Variants in SBNO2 observed in about 807,000 individuals in gnomAD.
The protein encoded by SBNO2 is protein strawberry notch homolog 2.
A neutral mutation model predicts 146.3 loss-of-function variants in SBNO2; 89 were observed. That is an observed-to-expected ratio of 0.61 (90% CI 0.51 to 0.73). SBNO2 has a LOEUF of 0.73. Ranked by LOEUF, SBNO2 falls within the 30% of genes least tolerant of loss-of-function variation. The pLI is 0.00. For missense variants in SBNO2, 2,092 were observed against 2,003.7 expected (o/e 1.04, Z -0.84); for synonymous variants, 1,147 against 892.6 (o/e 1.29, Z -5.08).
chr19:1,112,780 G>C lies in SBNO2; in HGVS notation c.2379+38C>G, dbSNP rs1568557266. Reference sequence around the variant, plus strand: ...CCTTGGGCCCCTCTGTGCCTCTTGGGTCCCGTGGGCCGCGCCCAGTGCACT... The same window carrying C: ...CCTTGGGCCCCTCTGTGCCTCTTGGCTCCCGTGGGCCGCGCCCAGTGCACT... On this transcript the variant is annotated intron_variant, in intron 20 of 31. Coordinates refer to ENST00000361757, the MANE Select transcript of SBNO2 (RefSeq NM_014963.3). The surrounding 1 kb of genome is among the most constrained non-coding windows in gnomAD (Gnocchi z 5.9). 1.1e-5 allele frequency: 17 copies of C among 1,532,148 alleles called. No individual in the cohort carries two copies. Among genetic ancestry groups the C allele is most frequent in the Non-Finnish European group, 1.4e-5 (16 of 1,138,002 alleles). 94.9% of individuals were successfully genotyped at this position (1,532,148 alleles called of 1,614,324 possible).
chr19:1,120,508 A>T (rs2079888722), intron 11 of SBNO2, among the ~76,000 whole-genome samples: 1 of 152,146 alleles, frequency 6.6e-6, no homozygotes, highest in Admixed American at 6.6e-5. Flanking sequence ...CTGGGACTAC[A>T]GGTGTGTGCC....
chr19:1,151,416 C>T (rs2080241436), intron 2 of SBNO2, among the ~76,000 whole-genome samples: 1 of 152,192 alleles, frequency 6.6e-6, no homozygotes, highest in African/African-American at 2.4e-5. Flanking sequence ...GTCCTGACTG[C>T]CTCTATCCCC....
At position 1,114,389 on chromosome 19, in the gene SBNO2, C is replaced by T. The variant is rs962116813; in HGVS notation, c.1919G>A (p.Arg640Gln). 14 of 1,550,012 alleles carry T rather than the reference C, an allele frequency of 9.0e-6. No individual in the cohort carries two copies. The highest frequency in any genetic ancestry group is 2.4e-5 in the East Asian group (1 of 41,200). The change falls in exon 18 of 32, where the codon CGG (arginine) becomes CAG (glutamine). Residue 640 changes from arginine (R) to glutamine (Q), a missense_variant. Physicochemically the swap from Arg to Gln is conservative, Grantham distance 43. Transcript: ENST00000361757. ...RPRGRGAKAPRLACETAGVIR... is the reference protein window; with the variant it reads ...RPRGRGAKAPQLACETAGVIR... ...GACGCCCGCTGTCTCGCACGCCAGC[C>T]GGGGGGCTTTGGCCCCGCGTCCCCG...
chr19:1,143,055 C>T (rs2080155605), intron 4 of SBNO2, among the ~76,000 whole-genome samples: 1 of 152,186 alleles, frequency 6.6e-6, no homozygotes. Flanking sequence ...GTTCTCCCTA[C>T]CAATCCCTCC....
rs558272513 is a variant in SBNO2, at chr19:1,154,345, G to A, written c.-69C>T. The A allele has an allele frequency of 2.1e-4, 184 of 874,980 alleles. No homozygotes were observed. The Middle Eastern group carries it at 2.2e-3, about 10-fold the overall frequency. 54.2% of individuals were successfully genotyped at this position (874,980 alleles called of 1,614,324 possible). On this transcript the variant is annotated 5_prime_UTR_variant, in exon 2 of 32. Coordinates refer to ENST00000361757, the MANE Select transcript of SBNO2 (RefSeq NM_014963.3). ...CGGGACTCCAGGACCCGGGGCCGCC[G>A]GGGCGTCTATCTGGGCTTCTCGCTC...
At position 1,111,054 on chromosome 19, in the gene SBNO2, C is replaced by A. The variant is rs756126247; in HGVS notation, c.2849G>T (p.Arg950Leu). The change falls in exon 25 of 32, where the codon CGG (arginine) becomes CTG (leucine). Residue 950 changes from arginine (R) to leucine (L), a missense_variant. Physicochemically the swap from Arg to Leu is moderately radical, Grantham distance 102 (BLOSUM62 -2). Transcript: ENST00000361757. Reference sequence around the variant, plus strand: ...GTCCAGGCAGCCATTCCGGGACTCCCGGCCACCAATGCCCACAGACAGCAG... The same window carrying A: ...GTCCAGGCAGCCATTCCGGGACTCCAGGCCACCAATGCCCACAGACAGCAG... Reference protein sequence around the residue: ...QGLLSVGIGGRESRNGCLDVE... With the variant: ...QGLLSVGIGGLESRNGCLDVE... 6.4e-7 allele frequency: 1 copy of A among 1,566,788 alleles called. No individual in the cohort carries two copies. Among genetic ancestry groups the A allele is most frequent in the Non-Finnish European group, 8.6e-7 (1 of 1,156,884 alleles).
In SBNO2 at chr19:1,113,704, C is replaced by T. The variant is rs1599827067; in HGVS notation, c.2078G>A (p.Gly693Glu). 1 of 1,542,364 alleles carries T rather than the reference C, an allele frequency of 6.5e-7. No individual in the cohort carries two copies. Among genetic ancestry groups the T allele is most frequent in the Non-Finnish European group, 8.7e-7 (1 of 1,146,330 alleles). ...GTCTCTCTGCAGGAGGCACAGGGGT[C>T]CTAGGGAGGAGGTGGAGGGTCAGGG... ...DAVGLPSDDR[G>E]PLCLLQRDPH... is the part of the protein sequence containing the mutation. The change falls in exon 19 of 32, where the codon GGA becomes GAA. Residue 693 changes from glycine (G) to glutamate (E), a missense_variant and splice_region_variant. Coordinates refer to ENST00000361757, the MANE Select transcript of SBNO2 (RefSeq NM_014963.3).
rs770087414 is a variant in SBNO2 at position 1,109,316 on chromosome 19, G to A, written c.3324C>T (p.Asp1108=). Residue 1108 remains aspartate, a synonymous_variant, in exon 29 of 32, where the codon GAC becomes GAT. Transcript: ENST00000361757. This position sits in a 1 kb window ranked among gnomAD's most constrained non-coding sequence, Gnocchi z 4.2. ...IGRQSQLEAL[D]SLRRKFHRVT... is the part of the protein sequence containing the mutation. Reference sequence around the variant, plus strand: ...CCCGGTGGAACTTGCGGCGGAGGCTGTCCAGGGCCTCCAGCTGGCTCTGCC... The same window carrying A: ...CCCGGTGGAACTTGCGGCGGAGGCTATCCAGGGCCTCCAGCTGGCTCTGCC... 5.5e-5 allele frequency: 88 copies of A among 1,597,402 alleles called. 1 individual carries two copies. In the Middle Eastern group the frequency reaches 2.2e-3, roughly 39 times the overall value.
Position 1,109,414 on chromosome 19 carries a change from T to C in SBNO2, c.3226A>G (p.Asn1076Asp), listed in dbSNP as rs774739831. The change falls in exon 29 of 32, where the codon AAC becomes GAC. Residue 1076 changes from asparagine to aspartate, a missense_variant. Asn to Asp is a conservative substitution (Grantham distance 23, BLOSUM62 1). Coordinates refer to ENST00000361757, the MANE Select transcript of SBNO2 (RefSeq NM_014963.3). The surrounding 1 kb of genome is among the most constrained non-coding windows in gnomAD (Gnocchi z 4.2). ...TCCGCCAGCAGGCAGCTGGGCTTGT[T>C]ACCGCGGACCTGCGGAGGGGGGCGT... The part of the protein sequence containing the change: ...GFYLSYKVRG[N>D]KPSCLLAEQN... 23 of 1,565,720 alleles carry C rather than the reference T, an allele frequency of 1.5e-5. No homozygotes were observed. Among genetic ancestry groups the C allele is most frequent in the South Asian group, 1.2e-5 (1 of 85,774 alleles).
Position 1,112,367 on chromosome 19 carries a change from G to A in SBNO2, c.2515+35C>T, listed in dbSNP as rs753421622. ...CGGGGCCGAGACCATGTTGGGGGCGGGGCCAGGCAGCGCTGGGGGCGGGGC... is the reference window on the plus strand; with the variant it reads ...CGGGGCCGAGACCATGTTGGGGGCGAGGCCAGGCAGCGCTGGGGGCGGGGC... On this transcript the variant is annotated intron_variant, in intron 21 of 31. Transcript: ENST00000361757. This position sits in a 1 kb window ranked among gnomAD's most constrained non-coding sequence, Gnocchi z 5.9. The A allele has an allele frequency of 2.5e-6, 4 of 1,575,608 alleles. No individual in the cohort carries two copies.
chr19:1,172,812 C>G (rs1470356779), intron 1 of SBNO2, among the ~76,000 whole-genome samples: 1 of 139,400 alleles, frequency 7.2e-6, no homozygotes, highest in African/African-American at 2.7e-5. Context: ...CAGCCAGCAT[C>G]AGCACAGGCC....
intron 3 of SBNO2, among the ~76,000 whole-genome samples, chr19:1,147,674 C>CG (rs2080206422): frequency 6.6e-6 from 1 of 151,882 alleles, no homozygotes; most frequent in Non-Finnish European, 1.5e-5. Flanking sequence ...GCCTGGTGGG[C>CG]GGGGGGACAT....
At chr19:1,117,528 G>A (rs779451139) in intron 14 of SBNO2, 29 bp from the exon 15 acceptor site, 90 of 1,540,866 alleles carry the variant, frequency 5.8e-5, no homozygotes, top group Admixed American at 3.2e-4. Flanking sequence ...AGGCGCCCCT[G>A]AGCTGTGGCT....
In SBNO2 at chr19:1,140,607, G is replaced by T. The variant is rs1170274144; in HGVS notation, c.279+6702C>A. ...GCGCAGCGTGAGCCCCAGGGGTGGGGGTGGGGGTGGCCAGGGAGCAGGCAG... is the reference window on the plus strand; with the variant it reads ...GCGCAGCGTGAGCCCCAGGGGTGGGTGTGGGGGTGGCCAGGGAGCAGGCAG... On this transcript the variant is annotated intron_variant, in intron 4 of 31. Coordinates refer to ENST00000361757, the MANE Select transcript of SBNO2 (RefSeq NM_014963.3). This position sits in a 1 kb window ranked among gnomAD's most constrained non-coding sequence, Gnocchi z 4.4. Among the ~76,000 whole-genome samples the T allele has an allele frequency of 2.6e-5, 4 of 152,178 alleles. No homozygotes were observed. The highest frequency in any genetic ancestry group is 1.5e-5 in the Non-Finnish European group (1 of 68,022).
intron 2 of SBNO2, among the ~76,000 whole-genome samples, chr19:1,153,072 T>C (rs2080257124): frequency 6.6e-6 from 1 of 151,302 alleles, no homozygotes; most frequent in African/African-American, 2.4e-5. Flanking sequence ...GGAGAATCAC[T>C]AGCCCAGGAG....
At chr19:1,154,640 A>G (rs2080272697) in intron 1 of SBNO2, among the ~76,000 whole-genome samples, 1 of 152,052 alleles carries the variant, frequency 6.6e-6, no homozygotes, top group Admixed American at 6.5e-5. Context: ...GGCCCCAACT[A>G]CAACGATTAA....
chr19:1,151,986 T>A (rs1451396414), intron 2 of SBNO2, among the ~76,000 whole-genome samples: 1 of 152,048 alleles, frequency 6.6e-6, no homozygotes, highest in Non-Finnish European at 1.5e-5. Context: ...TCTAATTGAA[T>A]ACTCTGGGCA....
chr19:1,119,106 C>T lies in SBNO2; in HGVS notation c.1432G>A (p.Ala478Thr), dbSNP rs1178886291. The T allele has an allele frequency of 1.2e-5, 20 of 1,604,472 alleles. No homozygotes were observed. Among genetic ancestry groups the T allele is most frequent in the Non-Finnish European group, 1.6e-5 (19 of 1,176,746 alleles). Residue 478 changes from alanine to threonine, a missense_variant, in exon 14 of 32, where the codon GCA becomes ACA. Transcript: ENST00000361757. Reference sequence around the variant, plus strand: ...ACGCCGGAGAAGCTGAGCTGGCGTGCGATGTACATGCCGCTGACCTTCATG... The same window carrying T: ...ACGCCGGAGAAGCTGAGCTGGCGTGTGATGTACATGCCGCTGACCTTCATG... ...MDMKVSGMYI[A>T]RQLSFSGVTF... is the part of the protein sequence containing the mutation.
chr19:1,146,871 G>A (rs896235467), intron 4 of SBNO2, among the ~76,000 whole-genome samples: 1 of 152,076 alleles, frequency 6.6e-6, no homozygotes, highest in Non-Finnish European at 1.5e-5. Context: ...CGACCCTGGG[G>A]AGAAGGAGGT....
Sources: allele counts gnomAD v4.1 joint callset (sites outside exome capture counted in the v4.1 genomes callset), GRCh38; gene constraint gnomAD v4.1.1; non-coding constraint Gnocchi (gnomAD v3.1); transcripts MANE v1.5; gene names NCBI Gene and HGNC (gene_info 2026-07-23, HGNC 2026-07-21).